LINGO2: variants seen among roughly 807,000 people sequenced by gnomAD.
The protein encoded by LINGO2 is leucine-rich repeat and immunoglobulin-like domain-containing nogo receptor-interacting protein 2.
A neutral mutation model predicts 30.6 loss-of-function variants in LINGO2; 14 were observed. The ratio of observed to expected loss-of-function variants is 0.46; its 90% CI spans 0.30 to 0.72. The LOEUF is 0.72. Among genes scored for constraint, LINGO2 ranks in the 30% least tolerant of loss-of-function variants. The pLI, the probability that LINGO2 is intolerant of heterozygous loss-of-function variation, is 0.07. For missense variants in LINGO2, 729 were observed against 751.7 expected (o/e 0.97, Z 0.35); for synonymous variants, 317 against 288.5 (o/e 1.10, Z -1.00).
rs377191086 is a variant in LINGO2, at chr9:28,462,110, C to G, written c.-279+13830G>C. On this transcript the variant is annotated intron_variant, in intron 2 of 5. Transcript: ENST00000379992. Reference sequence around the variant, plus strand: ...ATCTTTATCTTTGTTTACATAAGTCCTAAGTCATGCTACCTTCTAATCTCA... The same window carrying G: ...ATCTTTATCTTTGTTTACATAAGTCGTAAGTCATGCTACCTTCTAATCTCA... Among the ~76,000 whole-genome samples the G allele has an allele frequency of 3.0e-4, 45 of 152,054 alleles. No individual in the cohort carries two copies. In the East Asian group the frequency reaches 6.6e-3, roughly 22 times the overall value.
the LINGO2 span, among the ~76,000 whole-genome samples, chr9:28,981,867 G>T: frequency 6.6e-6 from 1 of 152,032 alleles, no homozygotes; most frequent in Admixed American, 6.6e-5. Flanking sequence ...GCCACATGCT[G>T]GGAAATGCAG....
intron 4 of LINGO2, among the ~76,000 whole-genome samples, chr9:28,135,104 A>G (rs922664800): frequency 1.3e-5 from 2 of 152,248 alleles, no homozygotes; most frequent in Non-Finnish European, 2.9e-5. Flanking sequence ...GTTGTACTCT[A>G]TGAAGAAGGT....
chr9:28,631,237 GC>G (rs1488538136), intron 1 of LINGO2, among the ~76,000 whole-genome samples: 1 of 151,726 alleles, frequency 6.6e-6, no homozygotes, highest in Admixed American at 6.6e-5. Context: ...GTATACATGT[GC>G]CATGTTGGTG....
At chr9:27,947,655 G>A (rs1016516020), downstream of LINGO2, among the ~76,000 whole-genome samples, 4 of 152,166 alleles carry the variant, frequency 2.6e-5, no homozygotes, top group African/African-American at 9.7e-5. Context: ...AGTGGCAGTA[G>A]CTAGATGTTC....
At chr9:28,758,505 A>T in the LINGO2 span, among the ~76,000 whole-genome samples, 176 of 152,160 alleles carry the variant, frequency 1.2e-3, no homozygotes, top group Middle Eastern at 6.8e-3. Flanking sequence ...TACTAAACCA[A>T]TACAGTGTGG....
intron 1 of LINGO2, among the ~76,000 whole-genome samples, chr9:28,484,780 T>C (rs1826106118): frequency 6.6e-6 from 1 of 152,068 alleles, no homozygotes; most frequent in African/African-American, 2.4e-5. Flanking sequence ...CTTTACAATA[T>C]TAATGGATTA....
the LINGO2 span, among the ~76,000 whole-genome samples, chr9:28,911,300 A>G: frequency 6.7e-6 from 1 of 149,588 alleles, no homozygotes; most frequent in South Asian, 2.1e-4. Context: ...CTTATTTTAG[A>G]AAAATTTTTC....
At chr9:28,576,266 T>G (rs1436786791) in intron 1 of LINGO2, among the ~76,000 whole-genome samples, 1 of 152,230 alleles carries the variant, frequency 6.6e-6, no homozygotes, top group Non-Finnish European at 1.5e-5. Flanking sequence ...CACAAAAGAA[T>G]GTTCAACTAC....
At chr9:28,880,822 T>G in the LINGO2 span, among the ~76,000 whole-genome samples, 2 of 152,204 alleles carry the variant, frequency 1.3e-5, no homozygotes, top group African/African-American at 2.4e-5. Flanking sequence ...AAGACATGTT[T>G]GCAGCAATCC....
intron 4 of LINGO2, among the ~76,000 whole-genome samples, chr9:28,257,287 TG>T (rs1176377860): frequency 2.6e-5 from 4 of 151,580 alleles, no homozygotes; most frequent in Non-Finnish European, 5.9e-5. Context: ...TTTAAAGAGA[TG>T]TTTTTTTAAC....
chr9:28,140,439 T>C (rs1587068235), intron 4 of LINGO2, among the ~76,000 whole-genome samples: 2 of 152,166 alleles, frequency 1.3e-5, no homozygotes, highest in Non-Finnish European at 2.9e-5. Flanking sequence ...AGAGTAGCCA[T>C]ACTTCTTATC....
the LINGO2 span, among the ~76,000 whole-genome samples, chr9:28,700,530 A>T: frequency 6.6e-6 from 1 of 151,972 alleles, no homozygotes; most frequent in Admixed American, 6.6e-5. Flanking sequence ...TTATCCATCC[A>T]TACACTGAAG....
chr9:28,574,846 C>T (rs1231092529), intron 1 of LINGO2, among the ~76,000 whole-genome samples: 4 of 152,170 alleles, frequency 2.6e-5, no homozygotes, highest in Non-Finnish European at 4.4e-5. Context: ...GGGCTTCTCA[C>T]TCTCATTTTA....
intron 1 of LINGO2, among the ~76,000 whole-genome samples, chr9:28,646,725 C>A (rs1827859355): frequency 6.6e-6 from 1 of 151,958 alleles, no homozygotes; most frequent in Non-Finnish European, 1.5e-5. Context: ...TGAAATGTCA[C>A]CTTTATTATT....
chr9:28,154,683 T>G (rs1406126952), intron 4 of LINGO2, among the ~76,000 whole-genome samples: 1 of 152,208 alleles, frequency 6.6e-6, no homozygotes, highest in Non-Finnish European at 1.5e-5. Context: ...ATTTCCACTT[T>G]GCAGCATCCC....
the LINGO2 span, among the ~76,000 whole-genome samples, chr9:28,885,348 GAT>G: frequency 1.6e-4 from 7 of 45,142 alleles, no homozygotes; most frequent in South Asian, 6.3e-4. Context: ...GCAGCAGGGA[GAT>G]ATATATATAT....
chr9:28,742,601 A>T, the LINGO2 span, among the ~76,000 whole-genome samples: 5 of 151,882 alleles, frequency 3.3e-5, 1 homozygote, highest in African/African-American at 1.2e-4. Flanking sequence ...TATACATACT[A>T]AATCTATATC....
At chr9:28,672,371 T>C (rs1829055177), upstream of LINGO2, among the ~76,000 whole-genome samples, 1 of 152,184 alleles carries the variant, frequency 6.6e-6, no homozygotes, top group South Asian at 2.1e-4. Flanking sequence ...CCCTGTTTTA[T>C]TTTATAATTT....
intron 5 of LINGO2, among the ~76,000 whole-genome samples, chr9:27,962,574 G>A (rs1293475929): frequency 6.6e-6 from 1 of 152,094 alleles, no homozygotes; most frequent in Non-Finnish European, 1.5e-5. Flanking sequence ...CCTTCAGCTA[G>A]GCAAAAGTGG....
Sources: gnomAD v4.1 joint callset for allele counts (sites outside exome capture counted in the v4.1 genomes callset) on GRCh38, gnomAD v4.1.1 for gene constraint, MANE v1.5 for transcripts, NCBI Gene and HGNC (gene_info 2026-07-23, HGNC 2026-07-21) for gene names.